COL4A2: variants seen among roughly 807,000 people sequenced by gnomAD.
The protein encoded by COL4A2 is collagen type IV alpha 2 chain.
In COL4A2, 99 loss-of-function variants were observed where a neutral mutation model predicts 200.2. The ratio of observed to expected loss-of-function variants is 0.49; its 90% CI spans 0.42 to 0.58. The LOEUF is 0.58. COL4A2 is among the 20% of genes least tolerant of loss of function. The pLI is 0.00. For synonymous variants in COL4A2, 897 were observed against 900.6 expected (o/e 1.00, Z 0.07); for missense variants, 1,950 against 2,314.1 (o/e 0.84, Z 3.23).
Position 110,480,509 on chromosome 13 carries a change from C to G in COL4A2, c.2758+119C>G. 5.6e-6 allele frequency: 6 copies of G among 1,075,836 alleles called. 1 individual carries two copies. The South Asian group carries it at 1.1e-4, about 19-fold the overall frequency. The allele number at this position is 1,075,836 out of a possible 1,614,324, so 66.6% of individuals were successfully genotyped here. A position where few individuals can be genotyped will look rare whatever the true frequency, so the allele number is the denominator to read the frequency against. ...CCGTGGGGCTGGCCTCACACTTCTG[C>G]AGATTGGAGGCCTTGGGACTCTCCT... On this transcript the variant is annotated intron_variant, in intron 31 of 47. Transcript: ENST00000360467.
intron 4 of COL4A2, among the ~76,000 whole-genome samples, chr13:110,405,506 G>GT (rs945907140): frequency 6.9e-6 from 1 of 145,716 alleles, no homozygotes; most frequent in Non-Finnish European, 1.5e-5. Flanking sequence ...ATCACCCGAC[G>GT]TTTTCCTAGA....
At chr13:110,338,344 GAGAA>G (rs1208721703) in intron 3 of COL4A2, among the ~76,000 whole-genome samples, 3 of 150,824 alleles carry the variant, frequency 2.0e-5, no homozygotes, top group Admixed American at 6.7e-5. Context: ...GAGAGAGAGA[GAGAA>G]AGAGAGAGAG....
chr13:110,432,330 A>C lies in COL4A2; in HGVS notation c.654A>C (p.Pro218=). 6.2e-7 allele frequency: 1 copy of C among 1,610,876 alleles called. No homozygotes were observed. The highest frequency in any genetic ancestry group is 8.5e-7 in the Non-Finnish European group (1 of 1,178,856). The stretch of plus-strand genomic sequence containing the variant: ...ATTTCTTTGTATTTGTACAGGGACC[A>C]CCTGGACCCCCTGGACCAAAAGGAC... ...GPVGAPGRPG[P]PGPPGPKGQQ... is the part of the protein sequence containing the mutation. The change falls in exon 11 of 48, where the codon CCA becomes CCC. Residue 218 remains proline (P), a synonymous_variant. Coordinates refer to ENST00000360467, the MANE Select transcript of COL4A2 (RefSeq NM_001846.4).
chr13:110,458,156 A>C, intron 21 of COL4A2: 1 of 469,922 alleles, frequency 2.1e-6, no homozygotes, highest in South Asian at 1.6e-5. Flanking sequence ...GTGGATGGGC[A>C]TGACCTGAGA....
intron 3 of COL4A2, among the ~76,000 whole-genome samples, chr13:110,323,395 G>A (rs2139353686): frequency 6.6e-6 from 1 of 152,306 alleles, no homozygotes; most frequent in East Asian, 1.9e-4. Context: ...TCGGGATGAG[G>A]GCCCCCCCTG....
rs771806972 is a variant in COL4A2, at chr13:110,504,204, G to A, written c.4342G>A (p.Val1448Ile). The part of the protein sequence containing the change: ...GPQGRGGVSA[V>I]PGFRGDEGPI... The stretch of plus-strand genomic sequence containing the variant: ...CCAAGGAAGAGGTGGTGTGTCTGCT[G>A]TTCCCGGCTTCCGGGGAGATGAAGG... The change falls in exon 45 of 48, where the codon GTT becomes ATT. Residue 1448 changes from valine (V) to isoleucine (I), a missense_variant. Val to Ile is a conservative substitution (Grantham distance 29). Coordinates refer to ENST00000360467, the MANE Select transcript of COL4A2 (RefSeq NM_001846.4). 11 of 1,614,150 alleles carry A rather than the reference G, an allele frequency of 6.8e-6. No homozygotes were observed. In the South Asian group the frequency reaches 1.1e-4, roughly 16 times the overall value.
chr13:110,509,709 A>G (rs76021589), intron 47 of COL4A2, among the ~76,000 whole-genome samples: 307 of 152,302 alleles, frequency 2.0e-3, no homozygotes, highest in African/African-American at 7.0e-3. Context: ...AATGACTGTC[A>G]CGAGATAAGC....
chr13:110,432,724 A>G (rs1399954447), intron 11 of COL4A2, among the ~76,000 whole-genome samples: 2 of 152,230 alleles, frequency 1.3e-5, no homozygotes, highest in East Asian at 1.9e-4. Flanking sequence ...ATGTAACTCT[A>G]TCTGTTGTAG....
rs9559813 is a variant in COL4A2, at chr13:110,469,097, C to A, written c.2096-120C>A. The A allele has an allele frequency of 0.46, 519,942 of 1,123,912 alleles. 123,895 individuals are homozygous for A. The highest frequency in any genetic ancestry group is 0.65 in the African/African-American group (41,561 of 63,818). The allele number at this position is 1,123,912 out of a possible 1,614,324, so 69.6% of individuals were successfully genotyped here. ...GGAGGTGCTGTTTCAGGCTGATATT[C>A]CCCCCAGCCTCATCATTTCCCGGTT... On this transcript the variant is annotated intron_variant, in intron 27 of 47. Coordinates refer to ENST00000360467, the MANE Select transcript of COL4A2 (RefSeq NM_001846.4).
intron 4 of COL4A2, among the ~76,000 whole-genome samples, chr13:110,392,832 A>G (rs7994539): frequency 0.03 from 4,643 of 152,342 alleles, 230 homozygotes; most frequent in African/African-American, 0.11. Flanking sequence ...AAGTAGAAGA[A>G]CTGAGACAAT....
chr13:110,341,069 G>C lies in COL4A2; in HGVS notation c.100-16403G>C, dbSNP rs1427541989. 2.6e-5 allele frequency: 4 copies of C among 152,556 alleles called. No individual in the cohort carries two copies. The East Asian group carries it at 7.7e-4, about 29-fold the overall frequency. 9.5% of individuals were successfully genotyped at this position (152,556 alleles called of 1,614,324 possible). ...CCAGGGGTGGGGAGGGGTGTGCTGGGGGTGACAGGAAGCACTGAATCACGA... is the reference window on the plus strand; with the variant it reads ...CCAGGGGTGGGGAGGGGTGTGCTGGCGGTGACAGGAAGCACTGAATCACGA... On this transcript the variant is annotated intron_variant, in intron 3 of 47. Transcript: ENST00000360467.
intron 4 of COL4A2, among the ~76,000 whole-genome samples, chr13:110,376,036 C>T (rs751055720): frequency 2.0e-5 from 3 of 152,246 alleles, no homozygotes; most frequent in Non-Finnish European, 4.4e-5. Flanking sequence ...GAGTAAGCAC[C>T]AGTAGAATCA....
chr13:110,494,940 G>A (rs918621098), intron 39 of COL4A2, among the ~76,000 whole-genome samples: 1 of 152,222 alleles, frequency 6.6e-6, no homozygotes, highest in Non-Finnish European at 1.5e-5. Flanking sequence ...GCTGTTTCCT[G>A]CCATGATGGC....
At chr13:110,356,393 A>G (rs760754482) in intron 3 of COL4A2, among the ~76,000 whole-genome samples, 5 of 152,162 alleles carry the variant, frequency 3.3e-5, no homozygotes, top group Non-Finnish European at 7.4e-5. Flanking sequence ...GTCGCAAGTG[A>G]TATCGGTGGT....
intron 21 of COL4A2, chr13:110,458,324 TC>T (rs1393856983): frequency 2.8e-6 from 1 of 355,914 alleles, no homozygotes; most frequent in Non-Finnish European, 5.6e-6. Context: ...AGGCATGTCT[TC>T]CCTGCTCACC....
rs1882756194 is a variant in COL4A2 at position 110,477,887 on chromosome 13, A to G, written c.2426-116A>G. The G allele has an allele frequency of 3.8e-6, 4 of 1,058,852 alleles. No individual in the cohort carries two copies. In the African/African-American group the frequency reaches 4.9e-5, roughly 13 times the overall value. The allele number at this position is 1,058,852 out of a possible 1,614,324, so 65.6% of individuals were successfully genotyped here. ...CTTCTTTGTGTTTTCCTGATTCTCT[A>G]GAGTCCAGAAAAGCATGAATTGCTC... is the stretch of plus-strand genomic sequence containing the variant. On this transcript the variant is annotated intron_variant, in intron 29 of 47. Coordinates refer to ENST00000360467, the MANE Select transcript of COL4A2 (RefSeq NM_001846.4).
intron 4 of COL4A2, among the ~76,000 whole-genome samples, chr13:110,378,314 G>T (rs575005696): frequency 6.6e-6 from 1 of 152,296 alleles, no homozygotes; most frequent in South Asian, 2.1e-4. Flanking sequence ...GACAAGGGAG[G>T]ACAAAAGTTT....
intron 3 of COL4A2, among the ~76,000 whole-genome samples, chr13:110,310,026 T>C (rs1884929812): frequency 1.3e-5 from 2 of 152,166 alleles, no homozygotes; most frequent in African/African-American, 4.8e-5. Flanking sequence ...ACCTAGTTAC[T>C]AAACATAGCT....
At position 110,424,640 on chromosome 13, in the gene COL4A2, C is replaced by A. The variant is rs200350705; in HGVS notation, c.181-94C>A. 599 of 699,220 alleles carry A rather than the reference C, an allele frequency of 8.6e-4. 3 individuals are homozygous for A. Among genetic ancestry groups the A allele is most frequent in the African/African-American group, 4.5e-3 (247 of 54,872 alleles). The allele number at this position is 699,220 out of a possible 1,614,324, so 43.3% of individuals were successfully genotyped here. A position where few individuals can be genotyped will look rare whatever the true frequency, so the allele number is the denominator to read the frequency against. On this transcript the variant is annotated intron_variant, in intron 4 of 47. Transcript: ENST00000360467. ...CCTGTAGATTATAGCTCTTTAAAAACAAAAAAAAAAATGTAGTTTTGAAAG... is the reference window on the plus strand; with the variant it reads ...CCTGTAGATTATAGCTCTTTAAAAAAAAAAAAAAAAATGTAGTTTTGAAAG...
Sources: gnomAD v4.1 joint callset for allele counts (sites outside exome capture counted in the v4.1 genomes callset) on GRCh38, gnomAD v4.1.1 for gene constraint, MANE v1.5 for transcripts, NCBI Gene and HGNC (gene_info 2026-07-23, HGNC 2026-07-21) for gene names.